The following CALN1 variants were observed in gnomAD, a reference collection of about 807,000 sequenced individuals.
CALN1 encodes calcium-binding protein 8.
CALN1 carries 17 observed loss-of-function variants against 30.6 expected under a neutral mutation model. The ratio of observed to expected loss-of-function variants is 0.56; its 90% CI spans 0.38 to 0.83. The LOEUF (loss-of-function observed/expected upper bound fraction) is 0.83, where lower values mean the gene tolerates loss of function less well. Ranked by LOEUF, CALN1 falls within the 40% of genes least tolerant of loss-of-function variation. The pLI is 0.00. For synonymous variants in CALN1, 156 were observed against 131.4 expected (o/e 1.19, Z -1.28); for missense variants, 291 against 354.9 (o/e 0.82, Z 1.45).
At chr7:72,184,138 T>C (rs1198967102) in intron 3 of CALN1, among the ~76,000 whole-genome samples, 2 of 152,316 alleles carry the variant, frequency 1.3e-5, no homozygotes, top group East Asian at 3.9e-4. Flanking sequence ...AAACTCTTAC[T>C]TCACTGGGAT....
At chr7:71,956,421 T>G (rs1195055091) in intron 5 of CALN1, among the ~76,000 whole-genome samples, 2 of 152,040 alleles carry the variant, frequency 1.3e-5, no homozygotes, top group Non-Finnish European at 2.9e-5. Context: ...TGCCCGGAAA[T>G]TTTACTATTG....
At chr7:72,429,996 C>A (rs1366083132) in intron 1 of CALN1, among the ~76,000 whole-genome samples, 5 of 150,530 alleles carry the variant, frequency 3.3e-5, no homozygotes, top group Non-Finnish European at 3.0e-5. Context: ...ATTCTTTGTC[C>A]TTTTAGTAGA....
chr7:72,219,296 T>C (rs1793089176), intron 3 of CALN1, among the ~76,000 whole-genome samples: 1 of 152,142 alleles, frequency 6.6e-6, no homozygotes, highest in African/African-American at 2.4e-5. Context: ...CATGATCATA[T>C]CTCACTGTAA....
At chr7:72,232,777 A>G (rs1483524786) in intron 3 of CALN1, among the ~76,000 whole-genome samples, 1 of 152,218 alleles carries the variant, frequency 6.6e-6, no homozygotes, top group Non-Finnish European at 1.5e-5. Flanking sequence ...TATTTTTTAA[A>G]GAATAGTTAA....
intron 3 of CALN1, among the ~76,000 whole-genome samples, chr7:72,171,250 A>C (rs922919970): frequency 6.6e-6 from 1 of 152,186 alleles, no homozygotes; most frequent in Admixed American, 6.5e-5. Flanking sequence ...ACTTCCAATC[A>C]AATCCAACTT....
chr7:72,091,635 T>C (rs1281071830), intron 4 of CALN1, among the ~76,000 whole-genome samples: 1 of 152,226 alleles, frequency 6.6e-6, no homozygotes, highest in Non-Finnish European at 1.5e-5. Flanking sequence ...TGCTGGTCTG[T>C]ATAGGTAGGG....
chr7:72,490,668 A>G, the CALN1 span, among the ~76,000 whole-genome samples: 3 of 151,952 alleles, frequency 2.0e-5, no homozygotes, highest in Non-Finnish European at 4.4e-5. Context: ...TTCTCACGAG[A>G]TCTGGTTGTT....
At chr7:71,962,281 T>A (rs1354513403) in intron 5 of CALN1, among the ~76,000 whole-genome samples, 2 of 151,464 alleles carry the variant, frequency 1.3e-5, no homozygotes, top group Non-Finnish European at 2.9e-5. Flanking sequence ...CATGCACCTG[T>A]TGTTCCAGCT....
chr7:72,292,820 CA>C (rs57352664), intron 2 of CALN1, among the ~76,000 whole-genome samples: 1,930 of 112,804 alleles, frequency 0.017, 55 homozygotes, highest in African/African-American at 0.033. Context: ...TACTCTGTCT[CA>C]AAAAAAAAAA....
chr7:72,156,611 G>A (rs1258365661), intron 3 of CALN1, among the ~76,000 whole-genome samples: 5 of 152,160 alleles, frequency 3.3e-5, no homozygotes, highest in Admixed American at 6.6e-5. Context: ...CCACCGTAGC[G>A]ACCTACAGGC....
At chr7:71,949,073 GAATT>G (rs1796558960) in intron 5 of CALN1, among the ~76,000 whole-genome samples, 2 of 81,710 alleles carry the variant, frequency 2.4e-5, no homozygotes, top group Non-Finnish European at 4.9e-5. Context: ...AAAAAAAAAA[GAATT>G]TGTTTTCCAT....
At chr7:72,287,195 C>T (rs1254983619) in intron 2 of CALN1, among the ~76,000 whole-genome samples, 1 of 152,086 alleles carries the variant, frequency 6.6e-6, no homozygotes, top group African/African-American at 2.4e-5. Context: ...ACCCTTACCA[C>T]CTACTCTATT....
intron 5 of CALN1, among the ~76,000 whole-genome samples, chr7:71,863,348 A>G (rs1224698229): frequency 2.0e-5 from 3 of 152,016 alleles, no homozygotes; most frequent in African/African-American, 7.2e-5. Flanking sequence ...ACCCGAGGTG[A>G]GGAGTTTGAG....
At chr7:72,097,280 C>T (rs1806301701) in intron 4 of CALN1, among the ~76,000 whole-genome samples, 1 of 152,144 alleles carries the variant, frequency 6.6e-6, no homozygotes, top group Non-Finnish European at 1.5e-5. Context: ...GCACGTTGTG[C>T]ACATGTACCC....
chr7:72,368,070 G>A (rs551242608), intron 2 of CALN1, among the ~76,000 whole-genome samples: 13 of 151,928 alleles, frequency 8.6e-5, no homozygotes, highest in East Asian at 1.9e-4. Context: ...GCAGTGAGCC[G>A]AGACTGCGCC....
At chr7:72,421,910 T>C (rs975205761) in intron 1 of CALN1, among the ~76,000 whole-genome samples, 1 of 152,194 alleles carries the variant, frequency 6.6e-6, no homozygotes, top group African/African-American at 2.4e-5. Context: ...TTACTTCACT[T>C]AGGATAATGG....
chr7:72,328,929 T>G (rs1420321940), intron 2 of CALN1, among the ~76,000 whole-genome samples: 1 of 152,242 alleles, frequency 6.6e-6, no homozygotes, highest in Non-Finnish European at 1.5e-5. Context: ...ACTCCTGACC[T>G]CAGCTGATCC....
Position 72,142,122 on chromosome 7 carries a change from G to C in CALN1, c.245-35828C>G, listed in dbSNP as rs147005985. The stretch of plus-strand genomic sequence containing the variant: ...TCTCACTGGGGATTGTCAGACAGTG[G>C]GTGCAGGACAGTGGGTGCAGTGCAC... On this transcript the variant is annotated intron_variant, in intron 3 of 6. Coordinates refer to ENST00000395275, the MANE Select transcript of CALN1 (RefSeq NM_031468.4). Among the ~76,000 whole-genome samples, 1,292 of 152,220 alleles carry C rather than the reference G, an allele frequency of 8.5e-3. 5 individuals carry two copies. The highest frequency in any genetic ancestry group is 0.015 in the Non-Finnish European group (1,015 of 68,010).
chr7:72,418,919 G>A (rs2129563561), intron 1 of CALN1, among the ~76,000 whole-genome samples: 1 of 152,252 alleles, frequency 6.6e-6, no homozygotes, highest in South Asian at 2.1e-4. Context: ...GGGACACTGT[G>A]CCGGGAGGAT....
Sources: allele counts gnomAD v4.1 joint callset (sites outside exome capture counted in the v4.1 genomes callset), GRCh38; gene constraint gnomAD v4.1.1; transcripts MANE v1.5; gene names NCBI Gene and HGNC (gene_info 2026-07-23, HGNC 2026-07-21).